Variants in TENM2 observed in about 807,000 individuals in gnomAD.
The protein encoded by TENM2 is teneurin transmembrane protein 2.
Under a neutral mutation model 245.2 loss-of-function variants are expected in TENM2, and 52 were observed. That is an observed-to-expected ratio of 0.21 (90% CI 0.17 to 0.27). The LOEUF is 0.27. Ranked by LOEUF, TENM2 falls within the 10% of genes least tolerant of loss-of-function variation. TENM2 has a pLI of 1.00. For synonymous variants in TENM2, 1,363 were observed against 1,438.9 expected, an observed-to-expected ratio of 0.95 and a Z score of 1.19; for missense variants, 3,046 against 3,666.8, an observed-to-expected ratio of 0.83 and a Z score of 4.37.
At position 167,438,889 on chromosome 5, in the gene TENM2, G is replaced by T. The variant is rs1280020159; in HGVS notation, c.502+63416G>T. ...GCTCACTGCAACCTCCGCCTCCGGA[G>T]TTCAAGCACTTCTCCTGCCTCAGCC... On this transcript the variant is annotated intron_variant, in intron 2 of 28. Transcript: ENST00000518659. Among the ~76,000 whole-genome samples the T allele has an allele frequency of 5.3e-5, 8 of 152,260 alleles. No individual in the cohort carries two copies. The East Asian group carries it at 1.5e-3, about 29-fold the overall frequency.
the TENM2 span, among the ~76,000 whole-genome samples, chr5:166,990,195 C>T: frequency 3.3e-5 from 5 of 152,174 alleles, no homozygotes; most frequent in African/African-American, 1.2e-4. Flanking sequence ...AGGTCTTCCT[C>T]ACTAAATTAT....
chr5:167,313,321 C>T (rs537086919), intron 1 of TENM2, among the ~76,000 whole-genome samples: 5 of 152,032 alleles, frequency 3.3e-5, no homozygotes, highest in Admixed American at 6.6e-5. Context: ...TGGAAGAAAA[C>T]GAATTGTCTT....
chr5:167,137,265 C>T, the TENM2 span, among the ~76,000 whole-genome samples: 1 of 152,144 alleles, frequency 6.6e-6, no homozygotes, highest in Non-Finnish European at 1.5e-5. Context: ...CCTCCTCTAT[C>T]TTCTTTGTCT....
intron 1 of TENM2, among the ~76,000 whole-genome samples, chr5:167,285,522 A>T (rs1771290107): frequency 6.6e-6 from 1 of 152,010 alleles, no homozygotes; most frequent in African/African-American, 2.4e-5. Flanking sequence ...TATCCCTCCT[A>T]CTTTCCCCAA....
intron 14 of TENM2, among the ~76,000 whole-genome samples, chr5:168,193,518 G>A (rs536035032): frequency 2.6e-5 from 4 of 152,298 alleles, no homozygotes; most frequent in African/African-American, 4.8e-5. Flanking sequence ...GCCTGGAAAC[G>A]ATAGGAAGCC....
intron 2 of TENM2, among the ~76,000 whole-genome samples, chr5:167,816,347 T>C (rs751204361): frequency 1.8e-4 from 27 of 152,168 alleles, no homozygotes; most frequent in Non-Finnish European, 3.4e-4. Context: ...AAACATGCTA[T>C]GAGCCCTCCT....
rs112843980 is a variant in TENM2 at position 167,754,266 on chromosome 5, T to G, written c.503-121720T>G. Among the ~76,000 whole-genome samples the G allele has an allele frequency of 4.1e-4, 63 of 152,198 alleles. 1 individual carries two copies. Among genetic ancestry groups the G allele is most frequent in the African/African-American group, 1.5e-3 (62 of 41,530 alleles). ...AGGAAACACAATAAAAGAGGTAAAG[T>G]GCTTTCCAGTACAGGAAAGGAAAAA... On this transcript the variant is annotated intron_variant, in intron 2 of 28. Transcript: ENST00000518659.
At chr5:167,777,238 A>G (rs1490505577) in intron 2 of TENM2, among the ~76,000 whole-genome samples, 3 of 152,210 alleles carry the variant, frequency 2.0e-5, no homozygotes, top group African/African-American at 4.8e-5. Context: ...CAAAGGAGAG[A>G]GAAGACAGTG....
chr5:167,990,230 AGC>A (rs1202759809), intron 4 of TENM2, among the ~76,000 whole-genome samples: 1 of 152,222 alleles, frequency 6.6e-6, no homozygotes, highest in Non-Finnish European at 1.5e-5. Flanking sequence ...GTTATAAGGC[AGC>A]AGACTATTAT....
chr5:168,228,961 A>G (rs935051323), intron 25 of TENM2, among the ~76,000 whole-genome samples: 13 of 147,844 alleles, frequency 8.8e-5, no homozygotes, highest in Non-Finnish European at 1.5e-4. Flanking sequence ...TTATATGTAT[A>G]CATAATATAC....
At chr5:167,900,277 G>T (rs1775598682) in intron 3 of TENM2, among the ~76,000 whole-genome samples, 1 of 151,906 alleles carries the variant, frequency 6.6e-6, no homozygotes, top group Non-Finnish European at 1.5e-5. Context: ...GACTTCTCTT[G>T]CAATTAAAAA....
intron 1 of TENM2, among the ~76,000 whole-genome samples, chr5:167,352,165 T>C (rs1363701731): frequency 2.0e-5 from 3 of 152,166 alleles, no homozygotes; most frequent in African/African-American, 7.2e-5. Context: ...CAACATAAGC[T>C]CCACCTTCTT....
In TENM2 at chr5:167,321,817, G is replaced by T. The variant is rs59622274; in HGVS notation, c.226+36754G>T. On this transcript the variant is annotated intron_variant, in intron 1 of 28. Transcript: ENST00000518659. ...TTTTTTTTTTGGGGGGGGGGGCGGGGGGGGGGGTGGATGGAGTCACTCACT... is the reference window on the plus strand; with the variant it reads ...TTTTTTTTTTGGGGGGGGGGGCGGGTGGGGGGGTGGATGGAGTCACTCACT... Among the ~76,000 whole-genome samples, 137 of 14,870 alleles carry T rather than the reference G, an allele frequency of 9.2e-3. 22 individuals are homozygous for T. Among genetic ancestry groups the T allele is most frequent in the African/African-American group, 0.025 (129 of 5,212 alleles). The allele number at this position is 14,870 out of a possible 152,430, so 9.8% of individuals were successfully genotyped here.
chr5:168,168,681 CAAAA>C (rs36016365), intron 13 of TENM2, among the ~76,000 whole-genome samples: 44,268 of 128,060 alleles, frequency 0.35, 7,194 homozygotes, highest in Non-Finnish European at 0.41. Context: ...GACCCTGTCT[CAAAA>C]AAAAAAAAAA....
intron 4 of TENM2, among the ~76,000 whole-genome samples, chr5:167,987,103 T>C (rs1336510870): frequency 6.6e-6 from 1 of 152,174 alleles, no homozygotes; most frequent in Non-Finnish European, 1.5e-5. Flanking sequence ...TTTATAGAGC[T>C]TGAGAGATGA....
At chr5:167,387,256 G>GTTA (rs1330002309) in intron 2 of TENM2, among the ~76,000 whole-genome samples, 1 of 151,146 alleles carries the variant, frequency 6.6e-6, no homozygotes, top group East Asian at 2.0e-4. Context: ...GTGTTTTGTT[G>GTTA]TTGTTGTTGT....
At chr5:167,792,136 C>A (rs780294299) in intron 2 of TENM2, among the ~76,000 whole-genome samples, 1 of 152,112 alleles carries the variant, frequency 6.6e-6, no homozygotes, top group South Asian at 2.1e-4. Context: ...TGGCCTTGCT[C>A]GTTTATGGGA....
At chr5:168,138,362 T>G (rs1391086923) in intron 12 of TENM2, among the ~76,000 whole-genome samples, 6 of 152,264 alleles carry the variant, frequency 3.9e-5, no homozygotes, top group African/African-American at 1.2e-4. Context: ...ACTCTGTAAG[T>G]GTTAGCTTAA....
At chr5:167,651,582 C>G (rs915299727) in intron 2 of TENM2, among the ~76,000 whole-genome samples, 1 of 151,902 alleles carries the variant, frequency 6.6e-6, no homozygotes, top group African/African-American at 2.4e-5. Context: ...TGTGACTCCA[C>G]AATTTAGTTT....
Sources: gnomAD v4.1 joint callset for allele counts (sites outside exome capture counted in the v4.1 genomes callset) on GRCh38, gnomAD v4.1.1 for gene constraint, MANE v1.5 for transcripts, NCBI Gene and HGNC (gene_info 2026-07-23, HGNC 2026-07-21) for gene names.